Variants in PTPRN2 observed in about 807,000 individuals in gnomAD.
PTPRN2 encodes receptor-type tyrosine-protein phosphatase N2.
In PTPRN2, 74 loss-of-function variants were observed where a neutral mutation model predicts 118.8. The observed-to-expected ratio is 0.62, with a 90% confidence interval of 0.52 to 0.76. The LOEUF is 0.76. PTPRN2 is among the 30% of genes least tolerant of loss of function. PTPRN2 has a pLI of 0.00. For missense variants in PTPRN2, 1,481 were observed against 1,394.4 expected (o/e 1.06, Z -0.99); for synonymous variants, 641 against 608.0 (o/e 1.05, Z -0.80).
intron 11 of PTPRN2, among the ~76,000 whole-genome samples, chr7:157,914,739 T>C (rs1798300834): frequency 6.6e-6 from 1 of 152,198 alleles, no homozygotes; most frequent in Non-Finnish European, 1.5e-5. Context: ...CTAAAATGCT[T>C]ATGAACTGCA....
chr7:157,986,137 T>A lies in PTPRN2; in HGVS notation c.1724-87400A>T, dbSNP rs977726700. Among the ~76,000 whole-genome samples the A allele has an allele frequency of 6.6e-6, 1 of 152,066 alleles. No homozygotes were observed. The highest frequency in any genetic ancestry group is 2.4e-5 in the African/African-American group (1 of 41,408). Reference sequence around the variant, plus strand: ...TCTGGTGCTCAGTGAGGCAATAGCATGAGATAGATACCCTCATCTACAGCC... The same window carrying A: ...TCTGGTGCTCAGTGAGGCAATAGCAAGAGATAGATACCCTCATCTACAGCC... On this transcript the variant is annotated intron_variant, in intron 11 of 22. Coordinates refer to ENST00000389418, the MANE Select transcript of PTPRN2 (RefSeq NM_002847.5). This position sits in a 1 kb window ranked among gnomAD's most constrained non-coding sequence, Gnocchi z 4.5.
intron 12 of PTPRN2, among the ~76,000 whole-genome samples, chr7:157,799,396 C>T (rs976195856): frequency 1.3e-5 from 2 of 152,144 alleles, no homozygotes; most frequent in Admixed American, 6.5e-5. Flanking sequence ...AACGTGTGTT[C>T]CTCTAGCCAC....
chr7:158,191,183 C>T (rs551725762), intron 5 of PTPRN2, among the ~76,000 whole-genome samples: 3 of 152,322 alleles, frequency 2.0e-5, no homozygotes, highest in Admixed American at 6.5e-5. Flanking sequence ...TAACTTAAGT[C>T]ATTTCAATGG....
At chr7:158,025,325 C>T (rs954045799) in intron 11 of PTPRN2, among the ~76,000 whole-genome samples, 16 of 152,144 alleles carry the variant, frequency 1.1e-4, no homozygotes, top group African/African-American at 3.9e-4. Flanking sequence ...TTTTAAAAAG[C>T]AGACAAAGGC....
intron 3 of PTPRN2, among the ~76,000 whole-genome samples, chr7:158,305,402 G>A (rs1801205180): frequency 1.3e-5 from 2 of 152,248 alleles, no homozygotes; most frequent in South Asian, 4.1e-4. Flanking sequence ...GAGGGAGGGA[G>A]ACAGTGGTGG....
At chr7:158,101,544 G>A (rs1203718100) in intron 10 of PTPRN2, among the ~76,000 whole-genome samples, 1 of 152,168 alleles carries the variant, frequency 6.6e-6, no homozygotes. Context: ...AAAAGTTTCT[G>A]CACAGCAAAA....
chr7:157,599,259 T>G (rs1801524919), intron 16 of PTPRN2, among the ~76,000 whole-genome samples: 1 of 152,202 alleles, frequency 6.6e-6, no homozygotes, highest in Non-Finnish European at 1.5e-5. Context: ...ATCTGCCTGC[T>G]TTGGCCTCCC....
At chr7:158,289,061 A>G (rs2151017250) in intron 3 of PTPRN2, among the ~76,000 whole-genome samples, 1 of 152,140 alleles carries the variant, frequency 6.6e-6, no homozygotes, top group East Asian at 1.9e-4. Context: ...TAACTCCTTT[A>G]TATGTGATTT....
At position 157,576,723 on chromosome 7, in the gene PTPRN2, A is replaced by G. The variant is rs778936850; in HGVS notation, c.2673T>C (p.Tyr891=). ...TCTCGTTGGTCTGCAGGTTCTTCAG[A>G]TAGAAGCTCCTCACCAGGAAGTCCT... ...WCEDFLVRSF[Y]LKNLQTNETR... Residue 891 remains tyrosine (Y), a synonymous_variant, in exon 19 of 23, where the codon TAT becomes TAC. Transcript: ENST00000389418. 4 of 1,609,920 alleles carry G rather than the reference A, an allele frequency of 2.5e-6. No homozygotes were observed. In the East Asian group the frequency reaches 8.9e-5, roughly 36 times the overall value.
chr7:158,334,516 G>A (rs867236949), intron 2 of PTPRN2, among the ~76,000 whole-genome samples: 1 of 91,612 alleles, frequency 1.1e-5, no homozygotes, highest in African/African-American at 3.9e-5. Flanking sequence ...CTCACCATAA[G>A]AGGTGACACC....
chr7:158,150,523 C>G (rs796389226), intron 6 of PTPRN2, among the ~76,000 whole-genome samples: 39 of 152,236 alleles, frequency 2.6e-4, no homozygotes, highest in African/African-American at 8.9e-4. Context: ...CAGGTGAGTC[C>G]CAGTATTCAC....
chr7:158,113,705 G>C (rs1816481442), intron 9 of PTPRN2, among the ~76,000 whole-genome samples: 1 of 152,202 alleles, frequency 6.6e-6, no homozygotes, highest in Non-Finnish European at 1.5e-5. Context: ...CCTGGGGACA[G>C]AGAGACGCAT....
At chr7:157,573,415 T>C (rs532069422) in intron 19 of PTPRN2, among the ~76,000 whole-genome samples, 1 of 152,384 alleles carries the variant, frequency 6.6e-6, no homozygotes, top group East Asian at 1.9e-4. Flanking sequence ...CTTCCTGCTG[T>C]GTTTCACACC....
At chr7:157,568,878 A>C in intron 21 of PTPRN2, 24 bp downstream of exon 21, 2 of 1,535,232 alleles carry the variant, frequency 1.3e-6, no homozygotes, top group South Asian at 2.2e-5. Flanking sequence ...GAGCCGCAAC[A>C]AAGCGGCAGT....
rs575129213 is a variant in PTPRN2, at chr7:158,207,271, G to A, written c.278-1998C>T. The stretch of plus-strand genomic sequence containing the variant: ...GTGAATAATGCCGCAATAAACATAC[G>A]TGTGCATGTGTCTTTATAGCAGCAT... On this transcript the variant is annotated intron_variant, in intron 3 of 22. Transcript: ENST00000389418. 2.6e-4 allele frequency among the ~76,000 whole-genome samples: 38 copies of A among 146,024 alleles called. No homozygotes were observed. In the South Asian group the frequency reaches 7.7e-3, roughly 29 times the overall value.
intron 11 of PTPRN2, among the ~76,000 whole-genome samples, chr7:158,004,335 C>T (rs1805498204): frequency 6.6e-6 from 1 of 152,114 alleles, no homozygotes; most frequent in African/African-American, 2.4e-5. Flanking sequence ...TATTCCTAAC[C>T]CCTCCCAGAT....
At chr7:158,329,772 G>C (rs539032011) in intron 2 of PTPRN2, among the ~76,000 whole-genome samples, 73 of 152,244 alleles carry the variant, frequency 4.8e-4, no homozygotes, top group African/African-American at 1.7e-3. Flanking sequence ...GTTGGCCTGG[G>C]AGTCGCAACC....
At chr7:158,066,641 T>C (rs1490904167) in intron 11 of PTPRN2, among the ~76,000 whole-genome samples, 1 of 152,154 alleles carries the variant, frequency 6.6e-6, no homozygotes, top group African/African-American at 2.4e-5. Flanking sequence ...AGATCGGCTT[T>C]AGAAAACACA....
At chr7:158,238,065 C>A (rs1392069963) in intron 3 of PTPRN2, among the ~76,000 whole-genome samples, 4 of 152,310 alleles carry the variant, frequency 2.6e-5, no homozygotes, top group Non-Finnish European at 4.4e-5. Flanking sequence ...ACAATCTCCA[C>A]AGTGCAGCCG....
Sources: allele counts gnomAD v4.1 joint callset (sites outside exome capture counted in the v4.1 genomes callset), GRCh38; gene constraint gnomAD v4.1.1; non-coding constraint Gnocchi (gnomAD v3.1); transcripts MANE v1.5; gene names NCBI Gene and HGNC (gene_info 2026-07-23, HGNC 2026-07-21).